The following CDKAL1 variants were observed in gnomAD, a reference collection of about 807,000 sequenced individuals.
The protein encoded by CDKAL1 is threonylcarbamoyladenosine tRNA methylthiotransferase.
In CDKAL1, 32 loss-of-function variants were observed where a neutral mutation model predicts 68.2. The ratio of observed to expected loss-of-function variants is 0.47; its 90% CI spans 0.35 to 0.63. CDKAL1 has a LOEUF of 0.63. Ranked by LOEUF, CDKAL1 falls within the 30% of genes least tolerant of loss-of-function variation. CDKAL1 has a pLI of 0.00. For synonymous variants in CDKAL1, 234 were observed against 244.3 expected (o/e 0.96, Z 0.39); for missense variants, 606 against 696.7 (o/e 0.87, Z 1.47).
intron 7 of CDKAL1, among the ~76,000 whole-genome samples, chr6:20,780,228 C>A (rs975074995): frequency 1.1e-4 from 16 of 151,560 alleles, no homozygotes; most frequent in South Asian, 2.1e-4. Context: ...TATTCTTCCA[C>A]TTTTTCTACA....
At chr6:20,823,703 C>T (rs1777382716) in intron 8 of CDKAL1, among the ~76,000 whole-genome samples, 1 of 152,120 alleles carries the variant, frequency 6.6e-6, no homozygotes, top group Admixed American at 6.6e-5. Context: ...TTGGATTCAT[C>T]AAATAACTCT....
At chr6:20,536,173 T>G (rs76768886) in intron 2 of CDKAL1, among the ~76,000 whole-genome samples, 13,734 of 151,510 alleles carry the variant, frequency 0.091, 722 homozygotes, top group African/African-American at 0.12. Flanking sequence ...TGGCCTGAAG[T>G]GATCCTGCCA....
At chr6:21,089,200 G>T (rs1215547953) in intron 12 of CDKAL1, among the ~76,000 whole-genome samples, 3 of 152,166 alleles carry the variant, frequency 2.0e-5, no homozygotes, top group African/African-American at 7.2e-5. Flanking sequence ...GATAGGACGG[G>T]TGTGGTGGCT....
chr6:21,020,833 A>G (rs1236784312), intron 11 of CDKAL1, among the ~76,000 whole-genome samples: 5 of 139,042 alleles, frequency 3.6e-5, no homozygotes, highest in Non-Finnish European at 7.8e-5. Context: ...CTTATCTTGA[A>G]CTCCTGGGCT....
chr6:21,217,406 C>G (rs937892518), intron 15 of CDKAL1, among the ~76,000 whole-genome samples: 7 of 151,510 alleles, frequency 4.6e-5, no homozygotes, highest in African/African-American at 1.7e-4. Flanking sequence ...GTGATCCTCC[C>G]ACCTCAGCCT....
intron 11 of CDKAL1, among the ~76,000 whole-genome samples, chr6:21,059,582 T>C (rs1771026334): frequency 1.3e-5 from 2 of 152,258 alleles, no homozygotes; most frequent in South Asian, 2.1e-4. Context: ...AAGTGAGCCA[T>C]TGCTCCGCCC....
At chr6:20,583,828 C>T (rs1027701268) in intron 4 of CDKAL1, among the ~76,000 whole-genome samples, 8 of 151,164 alleles carry the variant, frequency 5.3e-5, no homozygotes, top group Non-Finnish European at 1.0e-4. Context: ...AGAATCACTC[C>T]TCTCAACAAT....
chr6:20,551,320 T>C (rs1763814110), intron 4 of CDKAL1, among the ~76,000 whole-genome samples: 1 of 152,184 alleles, frequency 6.6e-6, no homozygotes, highest in South Asian at 2.1e-4. Flanking sequence ...TTAAGGAGGA[T>C]TGGAAACCTA....
intron 15 of CDKAL1, among the ~76,000 whole-genome samples, chr6:21,209,721 G>GA (rs1056186477): frequency 7.2e-5 from 11 of 152,084 alleles, no homozygotes; most frequent in Admixed American, 5.9e-4. Context: ...GCAGTGAATG[G>GA]AAAAAAAGCC....
At position 20,659,494 on chromosome 6, in the gene CDKAL1, A is replaced by G. The variant is rs73732657; in HGVS notation, c.371+10117A>G. Among the ~76,000 whole-genome samples, 1,189 of 152,276 alleles carry G rather than the reference A, an allele frequency of 7.8e-3. 8 individuals carry two copies. Among genetic ancestry groups the G allele is most frequent in the African/African-American group, 0.027 (1,128 of 41,528 alleles). On this transcript the variant is annotated intron_variant, in intron 5 of 15. Transcript: ENST00000274695. ...TTAGTTCAAAATATTAGACTGAATT[A>G]ATTAGTATTATTGGTTGGGTATTGT...
At chr6:21,040,809 C>A (rs942003415) in intron 11 of CDKAL1, among the ~76,000 whole-genome samples, 1 of 152,072 alleles carries the variant, frequency 6.6e-6, no homozygotes, top group African/African-American at 2.4e-5. Flanking sequence ...TTGAATAATG[C>A]ATAGACATGC....
intron 4 of CDKAL1, among the ~76,000 whole-genome samples, chr6:20,588,889 C>G (rs1304419269): frequency 1.3e-5 from 2 of 151,832 alleles, no homozygotes; most frequent in Non-Finnish European, 2.9e-5. Context: ...TCCAGCCTAG[C>G]TACCATCCAT....
chr6:21,034,645 T>C (rs932285516), intron 11 of CDKAL1, among the ~76,000 whole-genome samples: 19 of 152,300 alleles, frequency 1.2e-4, no homozygotes, highest in African/African-American at 4.6e-4. Flanking sequence ...AAAACATTTT[T>C]TCTGTTAAAT....
At chr6:20,850,093 G>A (rs1464043860) in intron 9 of CDKAL1, among the ~76,000 whole-genome samples, 2 of 152,034 alleles carry the variant, frequency 1.3e-5, no homozygotes, top group Admixed American at 1.3e-4. Flanking sequence ...AATATTCTTT[G>A]GACCAGAAAC....
At chr6:20,720,588 C>G (rs899758906) in intron 5 of CDKAL1, among the ~76,000 whole-genome samples, 1 of 151,090 alleles carries the variant, frequency 6.6e-6, no homozygotes, top group Non-Finnish European at 1.5e-5. Context: ...CTCACGGCAA[C>G]CTTTACCTCC....
At chr6:21,044,132 C>A (rs1187894140) in intron 11 of CDKAL1, among the ~76,000 whole-genome samples, 1 of 152,008 alleles carries the variant, frequency 6.6e-6, no homozygotes, top group Non-Finnish European at 1.5e-5. Flanking sequence ...TTCCTTTCAT[C>A]TTTTCTTTTT....
chr6:20,791,485 G>A (rs914774085), intron 8 of CDKAL1, among the ~76,000 whole-genome samples: 2 of 152,006 alleles, frequency 1.3e-5, no homozygotes, highest in African/African-American at 4.8e-5. Flanking sequence ...CTGCTTCTGG[G>A]TCTGTACTGT....
intron 7 of CDKAL1, among the ~76,000 whole-genome samples, chr6:20,772,051 T>G (rs1056904423): frequency 1.3e-5 from 2 of 152,246 alleles, no homozygotes; most frequent in Admixed American, 1.3e-4. Flanking sequence ...TCCTTATGTC[T>G]TGTACATTTT....
chr6:20,853,827 A>G (rs1372024455), intron 9 of CDKAL1, among the ~76,000 whole-genome samples: 5 of 152,150 alleles, frequency 3.3e-5, no homozygotes, highest in African/African-American at 1.2e-4. Context: ...TGACCCTCTC[A>G]ATTCTGTAGT....
Sources: allele counts gnomAD v4.1 joint callset (sites outside exome capture counted in the v4.1 genomes callset), GRCh38; gene constraint gnomAD v4.1.1; transcripts MANE v1.5; gene names NCBI Gene and HGNC (gene_info 2026-07-23, HGNC 2026-07-21).